The following ZNF597 variants were observed in gnomAD, a reference collection of about 807,000 sequenced individuals.
ZNF597 encodes the protein zinc finger protein 597.
In ZNF597, 5 loss-of-function variants were observed where a neutral mutation model predicts 7.3. The observed-to-expected ratio is 0.68, with a 90% CI of 0.36 to 1.44. ZNF597 has a LOEUF of 1.44. Ranked by LOEUF, ZNF597 falls within the 40% of genes most tolerant of loss-of-function variation. ZNF597 has a pLI of 0.04. For missense variants in ZNF597, 585 were observed against 517.9 expected, an observed-to-expected ratio of 1.13 and a Z score of -1.26; for synonymous variants, 209 against 185.4, an observed-to-expected ratio of 1.13 and a Z score of -1.04.
intron 2 of ZNF597, 119 bp from the exon 3 acceptor site, chr16:3,441,052 A>T: frequency 3.6e-6 from 5 of 1,381,684 alleles, no homozygotes; most frequent in Admixed American, 2.5e-5. Context: ...TCGGTGTAAA[A>T]GGTTCTTGAG....
In ZNF597 at chr16:3,434,895, A is replaced by G. The variant is rs1253732007; in HGVS notation, c.*1529T>C. On this transcript the variant is annotated 3_prime_UTR_variant, in exon 4 of 4. Coordinates refer to ENST00000301744, the MANE Select transcript of ZNF597 (RefSeq NM_152457.3). ...CATCCTAATCAAAACCCATGTAAATATTGTTTTGCTGATAGGCATACAATC... is the reference window on the plus strand; with the variant it reads ...CATCCTAATCAAAACCCATGTAAATGTTGTTTTGCTGATAGGCATACAATC... 7.2e-5 allele frequency: 11 copies of G among 152,192 alleles called. No individual in the cohort carries two copies. Among genetic ancestry groups the G allele is most frequent in the Middle Eastern group, 3.2e-3 (1 of 316 alleles). 9.4% of individuals were successfully genotyped at this position (152,192 alleles called of 1,614,324 possible).
chr16:3,442,670 G>A (rs922229355), intron 2 of ZNF597, among the ~76,000 whole-genome samples: 137 of 76,382 alleles, frequency 1.8e-3, no homozygotes, highest in African/African-American at 6.8e-3. Context: ...GCGAGACTCT[G>A]TATCAAAAAA....
chr16:3,437,641 G>A, intron 3 of ZNF597, 103 bp from the exon 4 acceptor site: 4 of 1,448,840 alleles, frequency 2.8e-6, no homozygotes, highest in Non-Finnish European at 3.6e-6. Flanking sequence ...GGAAACCTTA[G>A]AAGGGTTATT....
Position 3,436,244 on chromosome 16 carries a change from G to C in ZNF597, c.*180C>G. On this transcript the variant is annotated 3_prime_UTR_variant, in exon 4 of 4. Transcript: ENST00000301744. ...TCACTAGTTTAGTGACACGGATTTT[G>C]CATCCCTACTTATAAAATGGAAATG... 3.1e-6 allele frequency: 2 copies of C among 639,322 alleles called. No individual in the cohort carries two copies. The highest frequency in any genetic ancestry group is 4.2e-5 in the South Asian group (2 of 47,490). 39.6% of individuals were successfully genotyped at this position (639,322 alleles called of 1,614,324 possible).
Position 3,442,451 on chromosome 16 carries a change from G to A in ZNF597, c.33+670C>T, listed in dbSNP as rs190721437. Among the ~76,000 whole-genome samples, 384 of 152,124 alleles carry A rather than the reference G, an allele frequency of 2.5e-3. 2 individuals carry two copies. The highest frequency in any genetic ancestry group is 8.9e-3 in the African/African-American group (368 of 41,490). ...AGCACTTTGGGAGACCGAGGCGGGC[G>A]GATCACAAGGTCAGGAGATTGAGAC... On this transcript the variant is annotated intron_variant, in intron 2 of 3. Coordinates refer to ENST00000301744, the MANE Select transcript of ZNF597 (RefSeq NM_152457.3).
In ZNF597 at chr16:3,443,417, CCCG is replaced by C; in HGVS notation, c.-114_-112del. ...CTGACAGGAGCTGCAGAAAGCGACG[CCCG>C]ACCGAGACGCGACGAAGAACGCCAC... is the stretch of plus-strand genomic sequence containing the variant. On this transcript the variant is annotated 5_prime_UTR_variant, in exon 1 of 4. Transcript: ENST00000301744. 1.9e-6 allele frequency: 1 copy of C among 525,266 alleles called. No individual in the cohort carries two copies. The highest frequency in any genetic ancestry group is 3.3e-6 in the Non-Finnish European group (1 of 300,862). 32.5% of individuals were successfully genotyped at this position (525,266 alleles called of 1,614,324 possible). A position where few individuals can be genotyped will look rare whatever the true frequency, so the allele number is the denominator to read the frequency against.
rs766177607 is a variant in ZNF597 at position 3,440,910 on chromosome 16, C to G, written c.57G>C (p.Leu19=). The G allele has an allele frequency of 1.9e-5, 30 of 1,613,942 alleles. No homozygotes were observed. In the South Asian group the frequency reaches 3.2e-4, roughly 17 times the overall value. ...ACTCCTCTTGAGAAAAATACACAGC[C>G]AGATCCTCAAAGAGTATTGGTCCCT... ...EAQGPILFED[L]AVYFSQEECV... is the part of the protein sequence containing the mutation. Residue 19 remains leucine (L), a synonymous_variant, in exon 3 of 4, where the codon CTG becomes CTC. Transcript: ENST00000301744.
chr16:3,436,217 A>G lies in ZNF597; in HGVS notation c.*207T>C. On this transcript the variant is annotated 3_prime_UTR_variant, in exon 4 of 4. Transcript: ENST00000301744. ...GTAACTGAGTTCAAATCCTGGGTTCATTCACTAGTTTAGTGACACGGATTT... is the reference window on the plus strand; with the variant it reads ...GTAACTGAGTTCAAATCCTGGGTTCGTTCACTAGTTTAGTGACACGGATTT... 1 of 580,006 alleles carries G rather than the reference A, an allele frequency of 1.7e-6. No homozygotes were observed. Among genetic ancestry groups the G allele is most frequent in the East Asian group, 2.9e-5 (1 of 34,808 alleles). The allele number at this position is 580,006 out of a possible 1,614,324, so 35.9% of individuals were successfully genotyped here.
intron 3 of ZNF597, among the ~76,000 whole-genome samples, chr16:3,438,479 C>T (rs958897390): frequency 6.6e-6 from 1 of 151,764 alleles, no homozygotes; most frequent in Non-Finnish European, 1.5e-5. Context: ...AGGAGAATGG[C>T]GTGAACCCAG....
rs12737 is a variant in ZNF597 at position 3,436,285 on chromosome 16, C to A, written c.*139G>T. ...AATGGAAATGATACTGCCTAAATCACGGTTGTGCTGAGAATTAAGTATTAC... is the reference window on the plus strand; with the variant it reads ...AATGGAAATGATACTGCCTAAATCAAGGTTGTGCTGAGAATTAAGTATTAC... On this transcript the variant is annotated 3_prime_UTR_variant, in exon 4 of 4. Coordinates refer to ENST00000301744, the MANE Select transcript of ZNF597 (RefSeq NM_152457.3). The A allele has an allele frequency of 0.83, 685,610 of 825,182 alleles. 285,916 individuals are homozygous for A. The highest frequency in any genetic ancestry group is 0.87 in the Admixed American group (29,560 of 33,840). 51.1% of individuals were successfully genotyped at this position (825,182 alleles called of 1,614,324 possible). A position where few individuals can be genotyped will look rare whatever the true frequency, so the allele number is the denominator to read the frequency against.
intron 3 of ZNF597, 48 bp from the exon 4 acceptor site, chr16:3,437,586 G>A: frequency 6.5e-7 from 1 of 1,527,236 alleles, no homozygotes; most frequent in Middle Eastern, 1.8e-4. Context: ...TATCTTCAAG[G>A]GATACTGGGG....
chr16:3,438,585 TAAAAAAG>T (rs1451334518), intron 3 of ZNF597, among the ~76,000 whole-genome samples: 2 of 150,460 alleles, frequency 1.3e-5, no homozygotes, highest in East Asian at 2.0e-4. Context: ...TAATAATAAT[TAAAAAAG>T]AAAAAAGAAA....
At position 3,433,178 on chromosome 16, in the gene ZNF597, A is replaced by T. The variant is rs1175869926; in HGVS notation, c.*3246T>A. 2.0e-5 allele frequency: 3 copies of T among 152,242 alleles called. No homozygotes were observed. The highest frequency in any genetic ancestry group is 3.8e-4 in the East Asian group (2 of 5,200). 9.4% of individuals were successfully genotyped at this position (152,242 alleles called of 1,614,324 possible). A position where few individuals can be genotyped will look rare whatever the true frequency, so the allele number is the denominator to read the frequency against. ...AATGAGGAGGTGTCAATAGACTACC[A>T]CCTGTAGCAACAAAGCTCTAAATAA... On this transcript the variant is annotated 3_prime_UTR_variant, in exon 4 of 4. Transcript: ENST00000301744.
At chr16:3,441,253 A>C (rs2034365815) in intron 2 of ZNF597, among the ~76,000 whole-genome samples, 1 of 152,208 alleles carries the variant, frequency 6.6e-6, no homozygotes. Context: ...CTCTAAGAAA[A>C]GGAGAGGTTT....
Position 3,436,486 on chromosome 16 carries a change from T to G in ZNF597, c.1213A>C (p.Thr405Pro). 1 of 1,614,198 alleles carries G rather than the reference T, an allele frequency of 6.2e-7. No homozygotes were observed. The highest frequency in any genetic ancestry group is 8.5e-7 in the Non-Finnish European group (1 of 1,180,026). Residue 405 changes from threonine to proline, a missense_variant, in exon 4 of 4, where the codon ACT becomes CCT. Thr to Pro is a conservative substitution (Grantham distance 38, BLOSUM62 -1). Transcript: ENST00000301744. ...ATGAGATGCAAATTCGACTTGAAAG[T>G]TTTCCCACACACGGTACATTTAAAA... ...EPFKCTVCGK[T>P]FKSNLHLITH... is the part of the protein sequence containing the mutation.
chr16:3,443,225 G>T lies in ZNF597; in HGVS notation c.-53-19C>A. 6.7e-7 allele frequency: 1 copy of T among 1,491,802 alleles called. No individual in the cohort carries two copies. Among genetic ancestry groups the T allele is most frequent in the Non-Finnish European group, 9.2e-7 (1 of 1,090,650 alleles). The allele number at this position is 1,491,802 out of a possible 1,614,324, so 92.4% of individuals were successfully genotyped here. A position where few individuals can be genotyped will look rare whatever the true frequency, so the allele number is the denominator to read the frequency against. Reference sequence around the variant, plus strand: ...GACAAAGCTGCGGGGGGAGAGAACAGTTCTTAAAGGGACCAATTCCGCTGC... The same window carrying T: ...GACAAAGCTGCGGGGGGAGAGAACATTTCTTAAAGGGACCAATTCCGCTGC... On this transcript the variant is annotated intron_variant, in intron 1 of 3. Transcript: ENST00000301744.
intron 2 of ZNF597, among the ~76,000 whole-genome samples, chr16:3,442,782 GCT>G (rs1171214733): frequency 3.3e-5 from 5 of 152,230 alleles, no homozygotes; most frequent in Non-Finnish European, 7.4e-5. Context: ...TCCAGACGGA[GCT>G]ATGATATCAG....
At position 3,443,423 on chromosome 16, in the gene ZNF597, C is replaced by G. The variant is rs1393727270; in HGVS notation, c.-117G>C. ...GGAGCTGCAGAAAGCGACGCCCGACCGAGACGCGACGAAGAACGCCACGGC... is the reference window on the plus strand; with the variant it reads ...GGAGCTGCAGAAAGCGACGCCCGACGGAGACGCGACGAAGAACGCCACGGC... On this transcript the variant is annotated 5_prime_UTR_variant, in exon 1 of 4. Transcript: ENST00000301744. 1 of 522,374 alleles carries G rather than the reference C, an allele frequency of 1.9e-6. No homozygotes were observed. The highest frequency in any genetic ancestry group is 3.3e-6 in the Non-Finnish European group (1 of 299,132). The allele number at this position is 522,374 out of a possible 1,614,324, so 32.4% of individuals were successfully genotyped here.
At position 3,440,845 on chromosome 16, in the gene ZNF597, T is replaced by C. The variant is rs778189322; in HGVS notation, c.122A>G (p.Asp41Gly). 2.5e-6 allele frequency: 4 copies of C among 1,614,068 alleles called. No homozygotes were observed. In the South Asian group the frequency reaches 4.4e-5, roughly 18 times the overall value. The change falls in exon 3 of 4, where the codon GAT (aspartate) becomes GGT (glycine). Residue 41 changes from aspartate to glycine, a missense_variant. Transcript: ENST00000301744. ...ATCCTCCAAAGACTCTTTTGTACCA[T>C]CTTTGCTGAGGGACCTCTGGGCAGG... ...LHPAQRSLSK[D>G]GTKESLEDAA...
Sources: gnomAD v4.1 joint callset for allele counts (sites outside exome capture counted in the v4.1 genomes callset) on GRCh38, gnomAD v4.1.1 for gene constraint, MANE v1.5 for transcripts, NCBI Gene and HGNC (gene_info 2026-07-23, HGNC 2026-07-21) for gene names.